KSR2: variants seen among roughly 807,000 people sequenced by gnomAD.
KSR2 encodes the protein kinase suppressor of ras 2.
A neutral mutation model predicts 107.8 loss-of-function variants in KSR2; 25 were observed. The ratio of observed to expected loss-of-function variants is 0.23; its 90% CI spans 0.17 to 0.32. KSR2 has a LOEUF of 0.32. Among genes scored for constraint, KSR2 ranks in the 10% least tolerant of loss-of-function variants. The pLI is 1.00. For missense variants in KSR2, 887 were observed against 1,268.9 expected (o/e 0.70, Z 4.57); for synonymous variants, 480 against 507.0 (o/e 0.95, Z 0.71).
chr12:117,625,720 A>T (rs890108835), intron 5 of KSR2, among the ~76,000 whole-genome samples: 1 of 152,116 alleles, frequency 6.6e-6, no homozygotes, highest in Non-Finnish European at 1.5e-5. Flanking sequence ...GGCCTCATAA[A>T]ATGAGTTAGG....
At chr12:117,770,326 G>A (rs1457573599) in intron 3 of KSR2, among the ~76,000 whole-genome samples, 1 of 152,116 alleles carries the variant, frequency 6.6e-6, no homozygotes, top group Non-Finnish European at 1.5e-5. Flanking sequence ...GGCAGGGGCT[G>A]GAGTGATGCA....
At chr12:117,900,455 A>C (rs953208238) in intron 1 of KSR2, among the ~76,000 whole-genome samples, 1 of 152,232 alleles carries the variant, frequency 6.6e-6, no homozygotes, top group Non-Finnish European at 1.5e-5. Context: ...TAGATGCCTC[A>C]AGGGAAAGGA....
intron 3 of KSR2, among the ~76,000 whole-genome samples, chr12:117,771,339 C>T (rs1028442651): frequency 1.3e-5 from 2 of 152,114 alleles, no homozygotes; most frequent in African/African-American, 4.8e-5. Context: ...CCCCTCCCTG[C>T]TTGAGTTGTC....
intron 14 of KSR2, among the ~76,000 whole-genome samples, chr12:117,512,034 C>T (rs544290701): frequency 6.6e-6 from 1 of 152,206 alleles, no homozygotes; most frequent in Non-Finnish European, 1.5e-5. Context: ...CCACTCCCAA[C>T]TGAACCCTAG....
chr12:117,540,573 G>A (rs1876412195), intron 9 of KSR2, among the ~76,000 whole-genome samples: 2 of 152,218 alleles, frequency 1.3e-5, no homozygotes, highest in African/African-American at 4.8e-5. Flanking sequence ...GTGGATTCGG[G>A]TGAGTCCTAA....
intron 7 of KSR2, among the ~76,000 whole-genome samples, chr12:117,572,743 C>T (rs998710236): frequency 2.6e-5 from 4 of 151,636 alleles, no homozygotes; most frequent in Non-Finnish European, 5.9e-5. Context: ...AAAAGCACCT[C>T]TGTTTAAACT....
chr12:117,784,413 C>A (rs527767364), intron 3 of KSR2, among the ~76,000 whole-genome samples: 2 of 152,222 alleles, frequency 1.3e-5, no homozygotes, highest in African/African-American at 4.8e-5. Context: ...GCCTCCCCAG[C>A]CACGTGGAAC....
At chr12:117,665,906 G>A (rs1035970585) in intron 5 of KSR2, among the ~76,000 whole-genome samples, 1 of 152,188 alleles carries the variant, frequency 6.6e-6, no homozygotes. Context: ...CCTGGCTGTT[G>A]CTACACACTG....
At chr12:117,860,235 C>A (rs938107864) in intron 2 of KSR2, 56 bp downstream of exon 2, 2 of 1,568,262 alleles carry the variant, frequency 1.3e-6, no homozygotes, top group African/African-American at 1.3e-5. Context: ...AAGAGCAACA[C>A]AGGGGGTAGC....
At chr12:117,473,910 G>C (rs1262966443) in intron 17 of KSR2, among the ~76,000 whole-genome samples, 14 of 152,198 alleles carry the variant, frequency 9.2e-5, no homozygotes, top group Admixed American at 9.2e-4. Flanking sequence ...TCAATTGGGA[G>C]CAACATGGTA....
At chr12:117,676,162 T>A (rs1199182334) in intron 4 of KSR2, among the ~76,000 whole-genome samples, 2 of 152,180 alleles carry the variant, frequency 1.3e-5, no homozygotes, top group Non-Finnish European at 2.9e-5. Context: ...CCCCATTAAG[T>A]GTAACACCAA....
intron 5 of KSR2, among the ~76,000 whole-genome samples, chr12:117,620,464 C>A (rs1209750976): frequency 6.6e-6 from 1 of 152,144 alleles, no homozygotes; most frequent in Non-Finnish European, 1.5e-5. Flanking sequence ...TGCTTAGGGA[C>A]CACACATTTG....
At chr12:117,740,461 T>A (rs1439682205) in intron 4 of KSR2, among the ~76,000 whole-genome samples, 2 of 87,850 alleles carry the variant, frequency 2.3e-5, no homozygotes, top group African/African-American at 7.1e-5. Flanking sequence ...ATAGTACATA[T>A]ATTATATGTA....
At chr12:117,526,076 C>G (rs532035199) in intron 13 of KSR2, among the ~76,000 whole-genome samples, 53 of 152,292 alleles carry the variant, frequency 3.5e-4, no homozygotes, top group South Asian at 2.1e-3. Flanking sequence ...ACAGACCTGA[C>G]CATCTGTATT....
intron 3 of KSR2, among the ~76,000 whole-genome samples, chr12:117,835,728 G>C (rs1892181062): frequency 3.3e-5 from 5 of 151,910 alleles, no homozygotes; most frequent in African/African-American, 7.3e-5. Context: ...TAGAGGCCAG[G>C]GATGCTGTTA....
At chr12:117,552,100 C>T (rs1222022025) in intron 9 of KSR2, among the ~76,000 whole-genome samples, 1 of 152,212 alleles carries the variant, frequency 6.6e-6, no homozygotes, top group Non-Finnish European at 1.5e-5. Flanking sequence ...AGTGGGGATC[C>T]CCTCTCCTAG....
At chr12:117,827,492 T>C (rs1441716018) in intron 3 of KSR2, among the ~76,000 whole-genome samples, 1 of 152,202 alleles carries the variant, frequency 6.6e-6, no homozygotes, top group Non-Finnish European at 1.5e-5. Flanking sequence ...AGTTTTCTTA[T>C]CCATTCAATC....
At chr12:117,504,103 C>A (rs1014736047) in intron 14 of KSR2, among the ~76,000 whole-genome samples, 1 of 152,178 alleles carries the variant, frequency 6.6e-6, no homozygotes, top group Non-Finnish European at 1.5e-5. Context: ...CTACTTCTCA[C>A]AGATAGAAAG....
intron 1 of KSR2, among the ~76,000 whole-genome samples, chr12:117,944,772 C>T (rs1190883695): frequency 6.6e-6 from 1 of 151,554 alleles, no homozygotes; most frequent in East Asian, 2.0e-4. Flanking sequence ...ATGAGAGGAT[C>T]GCTTGAGCCT....
Sources: allele counts gnomAD v4.1 joint callset (sites outside exome capture counted in the v4.1 genomes callset), GRCh38; gene constraint gnomAD v4.1.1; transcripts MANE v1.5; gene names NCBI Gene and HGNC (gene_info 2026-07-23, HGNC 2026-07-21).